SLIT1: variants seen among roughly 807,000 people sequenced by gnomAD.
The protein encoded by SLIT1 is slit guidance ligand 1.
In SLIT1, 66 loss-of-function variants were observed where a neutral mutation model predicts 186.1. The ratio of observed to expected loss-of-function variants is 0.35; its 90% CI spans 0.29 to 0.44. The LOEUF is 0.44. Among genes scored for constraint, SLIT1 ranks in the 20% least tolerant of loss-of-function variants. The pLI is 1.00. For synonymous variants in SLIT1, 761 were observed against 833.8 expected (o/e 0.91, Z 1.50); for missense variants, 1,638 against 2,037.4 (o/e 0.80, Z 3.77).
rs1484170732 is a variant in SLIT1, at chr10:97,068,693, G to A, written c.414-2607C>T. 1.3e-5 allele frequency among the ~76,000 whole-genome samples: 2 copies of A among 152,092 alleles called. No homozygotes were observed. The highest frequency in any genetic ancestry group is 2.9e-5 in the Non-Finnish European group (2 of 68,008). The stretch of plus-strand genomic sequence containing the variant: ...AGCTTCCTCCTCCCGCACTCGCCCG[G>A]CCCCACCTTCCCTTCCTGCTCTCCC... On this transcript the variant is annotated intron_variant, in intron 4 of 36. Transcript: ENST00000266058. This position sits in a 1 kb window ranked among gnomAD's most constrained non-coding sequence, Gnocchi z 4.2.
chr10:97,086,957 G>A (rs1565493), intron 4 of SLIT1, among the ~76,000 whole-genome samples: 83,802 of 151,932 alleles, frequency 0.55, 24,851 homozygotes, highest in East Asian at 0.82. Context: ...ACAAATGTAC[G>A]GCTCTGGTGG....
intron 25 of SLIT1, among the ~76,000 whole-genome samples, chr10:97,027,523 G>A (rs1003034262): frequency 2.0e-5 from 3 of 152,286 alleles, no homozygotes; most frequent in Middle Eastern, 3.4e-3. Flanking sequence ...ATGCTGTTTC[G>A]TAGAGAAATT....
chr10:97,160,934 T>TG (rs1850016882), intron 3 of SLIT1, among the ~76,000 whole-genome samples: 1 of 152,162 alleles, frequency 6.6e-6, no homozygotes, highest in Non-Finnish European at 1.5e-5. Flanking sequence ...TTGGCCAGGC[T>TG]GGTCTCGAAC....
chr10:97,082,806 G>C (rs760614481), intron 4 of SLIT1, among the ~76,000 whole-genome samples: 1 of 152,216 alleles, frequency 6.6e-6, no homozygotes, highest in African/African-American at 2.4e-5. Flanking sequence ...AATAGTCAGA[G>C]AGAATGTGTG....
intron 4 of SLIT1, among the ~76,000 whole-genome samples, chr10:97,147,490 C>A (rs1849830719): frequency 6.6e-6 from 1 of 152,078 alleles, no homozygotes; most frequent in South Asian, 2.1e-4. Flanking sequence ...ACTGGGGAGG[C>A]AACAACCAAT....
intron 4 of SLIT1, among the ~76,000 whole-genome samples, chr10:97,076,660 T>G (rs1458614093): frequency 6.6e-6 from 1 of 152,204 alleles, no homozygotes; most frequent in Middle Eastern, 3.2e-3. Flanking sequence ...CTGGAGAGCA[T>G]TCGATGATAA....
intron 8 of SLIT1, 69 bp from the exon 9 acceptor site, chr10:97,060,856 C>T (rs1393214546): frequency 6.8e-7 from 1 of 1,470,326 alleles, no homozygotes; most frequent in Non-Finnish European, 9.1e-7. Flanking sequence ...CAGATACCGA[C>T]TGATGGATGG....
In SLIT1 at chr10:97,060,689, T is replaced by C; in HGVS notation, c.892A>G (p.Lys298Glu). Residue 298 changes from lysine (K) to glutamate (E), a missense_variant, in exon 9 of 37, where the codon AAA becomes GAA. Transcript: ENST00000266058. ...CSNGIVDCRG[K>E]GLTAIPANLP... is the part of the protein sequence containing the mutation. Reference sequence around the variant, plus strand: ...TTGGCCGGGATGGCAGTGAGGCCTTTTCCACGACAGTCCACGATGCCATTG... The same window carrying C: ...TTGGCCGGGATGGCAGTGAGGCCTTCTCCACGACAGTCCACGATGCCATTG... 1 of 1,613,656 alleles carries C rather than the reference T, an allele frequency of 6.2e-7. No homozygotes were observed. The highest frequency in any genetic ancestry group is 8.5e-7 in the Non-Finnish European group (1 of 1,180,038).
Position 97,000,144 on chromosome 10 carries a change from A to G in SLIT1, c.*968T>C, listed in dbSNP as rs1848290709. The G allele has an allele frequency of 1.3e-5, 2 of 152,368 alleles. No individual in the cohort carries two copies. The highest frequency in any genetic ancestry group is 4.8e-5 in the African/African-American group (2 of 41,550). The allele number at this position is 152,368 out of a possible 1,614,324, so 9.4% of individuals were successfully genotyped here. ...AGCACTGTCCCTTCCACTGCTCCCT[A>G]CTGGCCTGCGGTGTGAAGGACTCTG... On this transcript the variant is annotated 3_prime_UTR_variant, in exon 37 of 37. Transcript: ENST00000266058.
In SLIT1 at chr10:97,002,918, T is replaced by C. The variant is rs763051504; in HGVS notation, c.3940A>G (p.Ile1314Val). The change falls in exon 35 of 37, where the codon ATC becomes GTC. Residue 1314 changes from isoleucine to valine, a missense_variant. This residue lies in a region of SLIT1 where 173 missense variants were observed against 290.9 expected (regional missense o/e 0.59). Transcript: ENST00000266058. ...TCGTTGTTGATGTACAGGTTTCGGA[T>C]GCAACCGTGGAAGCCGGTGCCGTTG... ...ILNGTGFHGCIRNLYINNELQ... is the reference protein window; with the variant it reads ...ILNGTGFHGCVRNLYINNELQ... 3.1e-6 allele frequency: 5 copies of C among 1,614,188 alleles called. No individual in the cohort carries two copies. In the South Asian group the frequency reaches 5.5e-5, roughly 18 times the overall value.
intron 1 of SLIT1, among the ~76,000 whole-genome samples, chr10:97,179,512 C>G (rs2134746106): frequency 6.6e-6 from 1 of 152,282 alleles, no homozygotes; most frequent in East Asian, 1.9e-4. Flanking sequence ...AGTTGAGTCA[C>G]TAGTGAATTG....
chr10:97,136,818 G>A (rs1200982868), intron 4 of SLIT1, among the ~76,000 whole-genome samples: 1 of 152,196 alleles, frequency 6.6e-6, no homozygotes, highest in Non-Finnish European at 1.5e-5. Context: ...GCAGTGGCCG[G>A]GTCACCAGGA....
chr10:97,150,633 G>C (rs1238041932), intron 4 of SLIT1, among the ~76,000 whole-genome samples: 2 of 128,314 alleles, frequency 1.6e-5, no homozygotes, highest in African/African-American at 5.9e-5. Context: ...GGTCAATCTT[G>C]TTGGGACACA....
intron 1 of SLIT1, among the ~76,000 whole-genome samples, chr10:97,174,166 G>A (rs976072174): frequency 9.2e-5 from 14 of 152,202 alleles, no homozygotes; most frequent in Admixed American, 1.3e-4. Context: ...GACTGCCATC[G>A]GAGTTGTGGG....
intron 17 of SLIT1, 51 bp downstream of exon 17, chr10:97,046,940 C>T (rs1258627373): frequency 1.3e-6 from 2 of 1,558,564 alleles, no homozygotes; most frequent in South Asian, 1.1e-5. Context: ...TTCCCTTGTC[C>T]ATCCCTGGCC....
At chr10:97,166,569 GAGAAAGAAAGAA>G (rs1554854785) in intron 1 of SLIT1, among the ~76,000 whole-genome samples, 1 of 58,910 alleles carries the variant, frequency 1.7e-5, no homozygotes, top group African/African-American at 7.0e-5. Context: ...GAGAGAGAGA[GAGAAAGAAAGAA>G]AGAAAGAAAG....
intron 4 of SLIT1, among the ~76,000 whole-genome samples, chr10:97,111,840 A>G (rs1292957070): frequency 6.6e-6 from 1 of 152,146 alleles, no homozygotes; most frequent in East Asian, 1.9e-4. Context: ...TCTTCAATTT[A>G]ACACACCGTG....
At chr10:97,162,046 T>C (rs1031429954) in intron 3 of SLIT1, among the ~76,000 whole-genome samples, 1 of 152,026 alleles carries the variant, frequency 6.6e-6, no homozygotes, top group Admixed American at 6.5e-5. Context: ...CATAAGAAAA[T>C]CCATTAAAAG....
intron 4 of SLIT1, 97 bp from the exon 5 acceptor site, chr10:97,066,183 G>A (rs1106375): frequency 0.69 from 670,228 of 971,348 alleles, 236,017 homozygotes; most frequent in East Asian, 0.81. Context: ...AGGTGGGCTG[G>A]AGGGCACTGA....
Sources: allele counts gnomAD v4.1 joint callset (sites outside exome capture counted in the v4.1 genomes callset), GRCh38; gene constraint gnomAD v4.1.1; regional missense constraint gnomAD v4.1.1; non-coding constraint Gnocchi (gnomAD v3.1); transcripts MANE v1.5; gene names NCBI Gene and HGNC (gene_info 2026-07-23, HGNC 2026-07-21).